SLC22A7: variants seen among roughly 807,000 people sequenced by gnomAD.
SLC22A7 encodes the protein solute carrier family 22 member 7, also known as hOAT2.
A neutral mutation model predicts 62.2 loss-of-function variants in SLC22A7; 48 were observed. That is an observed-to-expected ratio of 0.77 (90% CI 0.61 to 0.98). The LOEUF (loss-of-function observed/expected upper bound fraction) is 0.98, where lower values mean the gene tolerates loss of function less well. Ranked by LOEUF, SLC22A7 falls within the 50% of genes least tolerant of loss-of-function variation. SLC22A7 has a pLI of 0.00. For missense variants in SLC22A7, 581 were observed against 703.8 expected (o/e 0.83, Z 1.97); for synonymous variants, 276 against 314.8 (o/e 0.88, Z 1.30).
In SLC22A7 at chr6:43,303,604, T is replaced by A. The variant is rs567238961; in HGVS notation, c.1386-434T>A. Among the ~76,000 whole-genome samples the A allele has an allele frequency of 1.1e-4, 16 of 152,176 alleles. No homozygotes were observed. In the East Asian group the frequency reaches 2.5e-3, roughly 24 times the overall value. On this transcript the variant is annotated intron_variant, in intron 9 of 10. Coordinates refer to ENST00000372585, the MANE Select transcript of SLC22A7 (RefSeq NM_153320.2). ...GAGGACTGTCCCAAGAGCAACCCCT[T>A]GAAAGGCCCGGGGTTGGGGGGGTCT...
Position 43,302,669 on chromosome 6 carries a change from A to T in SLC22A7, c.1291A>T (p.Ser431Cys). ...LLVSSDMKSW[S>C]TVLAVMGKAF... ...CTTCCCTCCAGATATGAAGTCCTGG[A>T]GCACTGTCCTGGCAGTGATGGGGAA... The change falls in exon 9 of 11, where the codon AGC becomes TGC. Residue 431 changes from serine (S) to cysteine (C), a missense_variant. Transcript: ENST00000372585. The surrounding 1 kb of genome is among the most constrained non-coding windows in gnomAD (Gnocchi z 5.0). 6.2e-7 allele frequency: 1 copy of T among 1,603,350 alleles called. No homozygotes were observed. The highest frequency in any genetic ancestry group is 8.5e-7 in the Non-Finnish European group (1 of 1,173,584).
chr6:43,298,974 A>G (rs2150728860), intron 1 of SLC22A7, 118 bp from the exon 2 acceptor site: 1 of 1,182,030 alleles, frequency 8.5e-7, no homozygotes, highest in East Asian at 2.3e-5. Flanking sequence ...GAGGTGATTA[A>G]GGCAGGGAAG....
chr6:43,304,333 G>C, intron 10 of SLC22A7, 89 bp downstream of exon 10: 2 of 1,154,688 alleles, frequency 1.7e-6, no homozygotes, highest in South Asian at 1.7e-5. Flanking sequence ...GATTCAGACA[G>C]GAAACTATAT....
Position 43,299,218 on chromosome 6 carries a change from G to T in SLC22A7, c.399+121G>T, listed in dbSNP as rs1478165603. The T allele has an allele frequency of 1.9e-6, 3 of 1,613,532 alleles. No homozygotes were observed. The highest frequency in any genetic ancestry group is 2.5e-6 in the Non-Finnish European group (3 of 1,179,772). On this transcript the variant is annotated intron_variant, in intron 2 of 10. Transcript: ENST00000372585. The surrounding 1 kb of genome is among the most constrained non-coding windows in gnomAD (Gnocchi z 4.4). The stretch of plus-strand genomic sequence containing the variant: ...GGCTGCAGGACTGGGGAGGGACAAA[G>T]TTTCCTATTCCCCAAGCTGGCGTGA...
chr6:43,301,707 T>G lies in SLC22A7; in HGVS notation c.1061+15T>G, dbSNP rs781625807. 2 of 1,595,826 alleles carry G rather than the reference T, an allele frequency of 1.3e-6. No homozygotes were observed. Among genetic ancestry groups the G allele is most frequent in the Admixed American group, 1.7e-5 (1 of 59,050 alleles). On this transcript the variant is annotated intron_variant, in intron 7 of 10. Coordinates refer to ENST00000372585, the MANE Select transcript of SLC22A7 (RefSeq NM_153320.2). ...GTGGTGGTGTGGTGAGGAGGCTGGC[T>G]TGGGTCTGGCATGGGTGTGGTGGGA...
At chr6:43,304,414 C>T in intron 10 of SLC22A7, 170 bp downstream of exon 10, 1 of 620,492 alleles carries the variant, frequency 1.6e-6, no homozygotes, top group Non-Finnish European at 2.7e-6. Flanking sequence ...TGATTGGGGG[C>T]ATGTAAACTG....
chr6:43,297,565 T>A (rs1778588248), upstream of SLC22A7, among the ~76,000 whole-genome samples: 1 of 152,108 alleles, frequency 6.6e-6, no homozygotes, highest in Non-Finnish European at 1.5e-5. Flanking sequence ...CAAAAGGTAA[T>A]CTTAGGCATT....
Position 43,301,237 on chromosome 6 carries a change from T to G in SLC22A7, c.930T>G (p.Cys310Trp), listed in dbSNP as rs1778733417. Residue 310 changes from cysteine (C) to tryptophan (W), a missense_variant, in exon 6 of 11, where the codon TGT (cysteine) becomes TGG (tryptophan). Cys to Trp is a radical substitution (Grantham distance 215). Coordinates refer to ENST00000372585, the MANE Select transcript of SLC22A7 (RefSeq NM_153320.2). ...CCAGGCTCAATGGGCGGCCAGTGTG[T>G]GAGGACAGCTTCAGCCAGGAGGTGA... The part of the protein sequence containing the change: ...HCARLNGRPV[C>W]EDSFSQEAVS... The G allele has an allele frequency of 6.2e-7, 1 of 1,614,002 alleles. No homozygotes were observed. The highest frequency in any genetic ancestry group is 8.5e-7 in the Non-Finnish European group (1 of 1,180,020).
At chr6:43,300,347 T>C (rs1018876724) in intron 5 of SLC22A7, among the ~76,000 whole-genome samples, 8 of 151,880 alleles carry the variant, frequency 5.3e-5, no homozygotes, top group Non-Finnish European at 7.4e-5. Flanking sequence ...GAGTTGGGGA[T>C]AGGGGCAGGG....
At chr6:43,301,551 T>G (rs1778749120) in intron 6 of SLC22A7, 32 bp from the exon 7 acceptor site, 1 of 1,553,570 alleles carries the variant, frequency 6.4e-7, no homozygotes, top group African/African-American at 1.4e-5. Context: ...TAGCCAACTC[T>G]GATGTTACAA....
chr6:43,296,358 C>T (rs1021853597), upstream of SLC22A7, among the ~76,000 whole-genome samples: 8 of 152,362 alleles, frequency 5.3e-5, no homozygotes, highest in South Asian at 2.1e-4. Context: ...AGGTTGGCCT[C>T]GTTAGCTGTC....
chr6:43,304,486 G>T, intron 10 of SLC22A7, 185 bp from the exon 11 acceptor site: 1 of 602,852 alleles, frequency 1.7e-6, no homozygotes, highest in Non-Finnish European at 2.9e-6. Flanking sequence ...AGGAAGATGT[G>T]TATGTGTGCA....
chr6:43,301,401 T>A, intron 6 of SLC22A7, 143 bp downstream of exon 6: 3 of 1,282,286 alleles, frequency 2.3e-6, no homozygotes, highest in Non-Finnish European at 2.2e-6. Flanking sequence ...CTTTAGGATG[T>A]CCTACCTGGC....
chr6:43,304,341 T>C, intron 10 of SLC22A7, 97 bp downstream of exon 10: 1 of 1,066,106 alleles, frequency 9.4e-7, no homozygotes, highest in Non-Finnish European at 1.3e-6. Context: ...CAGGAAACTA[T>C]ATCTGCACAT....
chr6:43,298,028 C>A (rs1778597458), upstream of SLC22A7: 3 of 248,006 alleles, frequency 1.2e-5, no homozygotes, highest in East Asian at 2.4e-4. Flanking sequence ...GGGCTAGGGG[C>A]TCACCTCCTA....
In SLC22A7 at chr6:43,302,211, ACTT is replaced by A. The variant is rs1397573662; in HGVS notation, c.1076_1078del (p.Phe359del). Reference sequence around the variant, plus strand: ...GAGACTCCTTTCAGGTTCGGAGTGAACTTCTCCTATTACGGCCTGAGTCTGGAT... The same window carrying A: ...GAGACTCCTTTCAGGTTCGGAGTGAACTCCTATTACGGCCTGAGTCTGGAT... On this transcript the variant is annotated inframe_deletion, in exon 8 of 11. Transcript: ENST00000372585. This position sits in a 1 kb window ranked among gnomAD's most constrained non-coding sequence, Gnocchi z 5.0. 6.3e-7 allele frequency: 1 copy of A among 1,581,844 alleles called. No homozygotes were observed. The highest frequency in any genetic ancestry group is 1.3e-5 in the African/African-American group (1 of 74,290).
upstream of SLC22A7, among the ~76,000 whole-genome samples, chr6:43,296,516 G>A (rs1778567668): frequency 1.3e-5 from 2 of 152,220 alleles, no homozygotes; most frequent in Non-Finnish European, 2.9e-5. Flanking sequence ...TCATTACATA[G>A]TATTAAATGA....
intron 10 of SLC22A7, 188 bp from the exon 11 acceptor site, chr6:43,304,483 T>G (rs1215425037): frequency 3.4e-6 from 2 of 594,828 alleles, no homozygotes; most frequent in Non-Finnish European, 3.0e-6. Context: ...TTCAGGAAGA[T>G]GTGTATGTGT....
Position 43,299,544 on chromosome 6 carries a change from C to A in SLC22A7, c.503+51C>A. On this transcript the variant is annotated intron_variant, in intron 3 of 10. Transcript: ENST00000372585. This position sits in a 1 kb window ranked among gnomAD's most constrained non-coding sequence, Gnocchi z 4.4. The stretch of plus-strand genomic sequence containing the variant: ...GAAACTGGCTGGGGGAACTTTCTCC[C>A]ACTAGCTGGGGTATGAGCCTAGTCT... 1 of 1,605,878 alleles carries A rather than the reference C, an allele frequency of 6.2e-7. No individual in the cohort carries two copies. Among genetic ancestry groups the A allele is most frequent in the Non-Finnish European group, 8.5e-7 (1 of 1,174,288 alleles).
Sources: allele counts gnomAD v4.1 joint callset (sites outside exome capture counted in the v4.1 genomes callset), GRCh38; gene constraint gnomAD v4.1.1; non-coding constraint Gnocchi (gnomAD v3.1); transcripts MANE v1.5; gene names NCBI Gene and HGNC (gene_info 2026-07-23, HGNC 2026-07-21).